TMTC2: variants seen among roughly 807,000 people sequenced by gnomAD.
TMTC2 encodes the protein protein O-mannosyl-transferase TMTC2.
In TMTC2, 43 loss-of-function variants were observed where a neutral mutation model predicts 82.4. That is an observed-to-expected ratio of 0.52 (90% CI 0.41 to 0.67). The LOEUF (loss-of-function observed/expected upper bound fraction) is 0.67, where lower values mean the gene tolerates loss of function less well. TMTC2 is among the 30% of genes least tolerant of loss of function. The pLI, the probability that TMTC2 is intolerant of heterozygous loss-of-function variation, is 0.00. For synonymous variants in TMTC2, 408 were observed against 381.9 expected (o/e 1.07, Z -0.80); for missense variants, 919 against 1,012.4 (o/e 0.91, Z 1.25).
At chr12:83,021,149 A>G (rs537293995) in intron 8 of TMTC2, among the ~76,000 whole-genome samples, 1 of 152,002 alleles carries the variant, frequency 6.6e-6, no homozygotes, top group South Asian at 2.1e-4. Flanking sequence ...TGCTTTTCCC[A>G]TTTTCCCCCC....
chr12:83,018,314 C>T (rs1880767601), intron 8 of TMTC2, among the ~76,000 whole-genome samples: 2 of 152,174 alleles, frequency 1.3e-5, no homozygotes, highest in African/African-American at 4.8e-5. Context: ...AGGGTTTAAA[C>T]TTCTGCAGTA....
Position 82,875,376 on chromosome 12 carries a change from A to G in TMTC2, c.654+17796A>G, listed in dbSNP as rs544140685. 4.7e-5 allele frequency among the ~76,000 whole-genome samples: 7 copies of G among 148,924 alleles called. No homozygotes were observed. In the South Asian group the frequency reaches 8.3e-4, roughly 18 times the overall value. On this transcript the variant is annotated intron_variant, in intron 2 of 11. Transcript: ENST00000321196. The stretch of plus-strand genomic sequence containing the variant: ...ATTAAATTAAATCATATATGTGTGT[A>G]TATATATATATGTTTTACAGCTGAG...
chr12:82,953,182 G>T (rs1257498991), intron 4 of TMTC2, among the ~76,000 whole-genome samples: 3 of 152,134 alleles, frequency 2.0e-5, no homozygotes, highest in African/African-American at 7.2e-5. Flanking sequence ...CTCCTTTCAG[G>T]TGATTTCCTA....
intron 7 of TMTC2, among the ~76,000 whole-genome samples, chr12:82,982,967 A>AAGCT (rs1878991074): frequency 6.6e-6 from 1 of 151,970 alleles, no homozygotes; most frequent in Non-Finnish European, 1.5e-5. Context: ...AAGCAATGAG[A>AAGCT]TACGTTTATA....
intron 8 of TMTC2, among the ~76,000 whole-genome samples, chr12:83,012,102 TC>T (rs1306196172): frequency 6.6e-6 from 1 of 152,140 alleles, no homozygotes; most frequent in East Asian, 1.9e-4. Flanking sequence ...TCACCTACTC[TC>T]TCTTATTATT....
chr12:82,857,415 C>T lies in TMTC2; in HGVS notation c.489C>T (p.Gly163=). ...ACATTAAACACTGTTCTACAAGAGG[C>T]TACTCAGCCAGAACCTGGGGCTGGT... ...LCYIKHCSTR[G]YSARTWGWFL... Residue 163 remains glycine (G), a synonymous_variant, in exon 2 of 12, where the codon GGC becomes GGT. Coordinates refer to ENST00000321196, the MANE Select transcript of TMTC2 (RefSeq NM_152588.3). 1 of 1,614,220 alleles carries T rather than the reference C, an allele frequency of 6.2e-7. No individual in the cohort carries two copies. Among genetic ancestry groups the T allele is most frequent in the South Asian group, 1.1e-5 (1 of 91,078 alleles).
At chr12:82,687,796 A>G in intron 1 of TMTC2, 127 bp downstream of exon 1, 1 of 888,968 alleles carries the variant, frequency 1.1e-6, no homozygotes, top group East Asian at 2.7e-5. Context: ...GGTTTAGGCG[A>G]CACGTAAACA....
chr12:83,005,941 T>C (rs1260407575), intron 8 of TMTC2, among the ~76,000 whole-genome samples: 1 of 152,186 alleles, frequency 6.6e-6, no homozygotes, highest in Non-Finnish European at 1.5e-5. Context: ...CCCTTGGATA[T>C]CGATGCCTAT....
At chr12:83,131,118 A>G (rs1382926980) in intron 11 of TMTC2, among the ~76,000 whole-genome samples, 1 of 152,262 alleles carries the variant, frequency 6.6e-6, no homozygotes, top group Non-Finnish European at 1.5e-5. Flanking sequence ...TTGAAGGACA[A>G]TTAATAGTTG....
chr12:83,067,384 T>C (rs1217455174), intron 11 of TMTC2, among the ~76,000 whole-genome samples: 2 of 151,950 alleles, frequency 1.3e-5, no homozygotes, highest in Non-Finnish European at 2.9e-5. Context: ...GTGTGTTAAA[T>C]AGGATACTAA....
chr12:82,984,105 G>A (rs966223087), intron 7 of TMTC2, among the ~76,000 whole-genome samples: 1 of 148,682 alleles, frequency 6.7e-6, no homozygotes, highest in Non-Finnish European at 1.5e-5. Flanking sequence ...AAGCATTTTT[G>A]TGTATTTTAT....
intron 8 of TMTC2, among the ~76,000 whole-genome samples, chr12:83,020,871 T>G (rs897991473): frequency 1.3e-5 from 2 of 152,200 alleles, no homozygotes; most frequent in Non-Finnish European, 2.9e-5. Context: ...CCTTCATTTA[T>G]GTAATATTCA....
At chr12:82,889,523 A>C (rs1039912826) in intron 2 of TMTC2, among the ~76,000 whole-genome samples, 1 of 152,120 alleles carries the variant, frequency 6.6e-6, no homozygotes, top group Non-Finnish European at 1.5e-5. Flanking sequence ...CCTACACTAG[A>C]GGTTTCCTCG....
intron 3 of TMTC2, among the ~76,000 whole-genome samples, chr12:82,921,433 TTAAA>T (rs1875390240): frequency 6.6e-6 from 1 of 152,170 alleles, no homozygotes; most frequent in African/African-American, 2.4e-5. Flanking sequence ...GTAGTAATTG[TTAAA>T]TAAATGTAAA....
intron 8 of TMTC2, among the ~76,000 whole-genome samples, chr12:83,029,100 T>G (rs1214026536): frequency 6.6e-6 from 1 of 152,160 alleles, no homozygotes; most frequent in Non-Finnish European, 1.5e-5. Context: ...ATGAAGGATG[T>G]AGCAACAATG....
At chr12:82,883,052 T>A (rs1414205957) in intron 2 of TMTC2, among the ~76,000 whole-genome samples, 1 of 101,352 alleles carries the variant, frequency 9.9e-6, no homozygotes, top group Non-Finnish European at 2.0e-5. Context: ...TGAAACTTGG[T>A]CTCAAAAAAA....
At chr12:82,829,259 A>T (rs1021748423) in intron 1 of TMTC2, among the ~76,000 whole-genome samples, 2 of 152,212 alleles carry the variant, frequency 1.3e-5, no homozygotes, top group African/African-American at 4.8e-5. Context: ...CCTACTTCCT[A>T]GTGCTTGAGT....
rs764929599 is a variant in TMTC2 at position 82,844,883 on chromosome 12, G to A, written c.84-12127G>A. ...ACTTCATTAAAAAAAGTATAATCTC[G>A]TATTCATTCCATCCCTTGAAGTCAA... On this transcript the variant is annotated intron_variant, in intron 1 of 11. Coordinates refer to ENST00000321196, the MANE Select transcript of TMTC2 (RefSeq NM_152588.3). Among the ~76,000 whole-genome samples the A allele has an allele frequency of 2.7e-5, 4 of 150,174 alleles. No homozygotes were observed. In the South Asian group the frequency reaches 6.3e-4, roughly 23 times the overall value.
chr12:82,856,466 T>A (rs1407394283), intron 1 of TMTC2, among the ~76,000 whole-genome samples: 2 of 152,208 alleles, frequency 1.3e-5, no homozygotes, highest in Non-Finnish European at 2.9e-5. Context: ...GCTACTGGAA[T>A]GTGGACTCTC....
Sources: gnomAD v4.1 joint callset for allele counts (sites outside exome capture counted in the v4.1 genomes callset) on GRCh38, gnomAD v4.1.1 for gene constraint, MANE v1.5 for transcripts, NCBI Gene and HGNC (gene_info 2026-07-23, HGNC 2026-07-21) for gene names.